UGT2B15: variants seen among roughly 807,000 people sequenced by gnomAD.
UGT2B15 encodes UDP-glucuronosyltransferase 2B15.
A neutral mutation model predicts 45.9 loss-of-function variants in UGT2B15; 36 were observed. The ratio of observed to expected loss-of-function variants is 0.78; its 90% CI spans 0.60 to 1.04. The LOEUF (loss-of-function observed/expected upper bound fraction) is 1.04, where lower values mean the gene tolerates loss of function less well. Ranked by LOEUF, UGT2B15 falls within the 50% of genes least tolerant of loss-of-function variation. The pLI, the probability that UGT2B15 is intolerant of heterozygous loss-of-function variation, is 0.00. For missense variants in UGT2B15, 617 were observed against 622.4 expected, an observed-to-expected ratio of 0.99 and a Z score of 0.09; for synonymous variants, 219 against 216.4, an observed-to-expected ratio of 1.01 and a Z score of -0.11.
intron 3 of UGT2B15, 31 bp from the exon 4 acceptor site, chr4:68,655,213 T>C: frequency 6.2e-7 from 1 of 1,604,768 alleles, no homozygotes; most frequent in Non-Finnish European, 8.5e-7. Context: ...TCTTGTTCAA[T>C]GAATAGAACT....
intron 2 of UGT2B15, among the ~76,000 whole-genome samples, chr4:68,667,530 A>G: frequency 6.6e-6 from 1 of 151,944 alleles, no homozygotes; most frequent in Non-Finnish European, 1.5e-5. Context: ...CTATCTCTGC[A>G]CATTATTGAG....
intron 2 of UGT2B15, among the ~76,000 whole-genome samples, chr4:68,664,723 C>T (rs181739856): frequency 2.1e-4 from 32 of 152,040 alleles, no homozygotes; most frequent in African/African-American, 7.2e-4. Flanking sequence ...CCTGCCACCA[C>T]GCCTGGCTAA....
intron 5 of UGT2B15, among the ~76,000 whole-genome samples, chr4:68,652,183 A>T (rs1416763294): frequency 6.6e-6 from 1 of 151,738 alleles, no homozygotes; most frequent in East Asian, 1.9e-4. Context: ...CAAATCATGT[A>T]CTGTCAGTGT....
At chr4:68,648,115 CA>C (rs1284252324) in intron 5 of UGT2B15, among the ~76,000 whole-genome samples, 1 of 152,032 alleles carries the variant, frequency 6.6e-6, no homozygotes, top group Non-Finnish European at 1.5e-5. Context: ...TGTCTTCTAC[CA>C]TATTTTCCTT....
At chr4:68,648,259 C>T (rs1322828216) in intron 5 of UGT2B15, among the ~76,000 whole-genome samples, 1 of 152,076 alleles carries the variant, frequency 6.6e-6, no homozygotes, top group African/African-American at 2.4e-5. Context: ...ACACAGGCAC[C>T]TACTTGTCCT....
chr4:68,650,324 G>C (rs192500406), intron 5 of UGT2B15, among the ~76,000 whole-genome samples: 1 of 151,540 alleles, frequency 6.6e-6, no homozygotes, highest in Non-Finnish European at 1.5e-5. Flanking sequence ...TCCATCCCCC[G>C]GTGTGTGTTG....
intron 3 of UGT2B15, among the ~76,000 whole-genome samples, chr4:68,658,442 T>G (rs1247460081): frequency 6.6e-6 from 1 of 152,118 alleles, no homozygotes; most frequent in Non-Finnish European, 1.5e-5. Context: ...CAGCATATAT[T>G]TTTGTTTGCA....
chr4:68,669,526 A>G (rs1733238082), intron 1 of UGT2B15, among the ~76,000 whole-genome samples: 1 of 152,174 alleles, frequency 6.6e-6, no homozygotes, highest in Admixed American at 6.6e-5. Context: ...TTTTTCTAGA[A>G]ATATGTGTAA....
intron 4 of UGT2B15, 147 bp downstream of exon 4, chr4:68,654,948 A>C: frequency 9.9e-7 from 1 of 1,007,218 alleles, no homozygotes; most frequent in Non-Finnish European, 1.5e-6. Context: ...TTATACTAAG[A>C]CTGGAAAATA....
intron 2 of UGT2B15, among the ~76,000 whole-genome samples, chr4:68,666,090 TGG>T (rs1233274548): frequency 2.6e-5 from 4 of 152,168 alleles, no homozygotes; most frequent in Non-Finnish European, 5.9e-5. Context: ...CCCCTGCTAC[TGG>T]CACTATCACT....
At position 68,670,129 on chromosome 4, in the gene UGT2B15, G is replaced by C; in HGVS notation, c.490C>G (p.Leu164Val). The C allele has an allele frequency of 6.2e-7, 1 of 1,614,064 alleles. No homozygotes were observed. The highest frequency in any genetic ancestry group is 8.5e-7 in the Non-Finnish European group (1 of 1,179,976). ...LNPCGELLAE[L>V]FNIPFLYSLR... ...CTGTACAGAAAGGGTATGTTAAATA[G>C]TTCAGCCAGTAGCTCACCACAGGGA... Residue 164 changes from leucine to valine, a missense_variant, in exon 1 of 6, where the codon CTA becomes GTA. Around this residue, in one of 3 missense-constraint regions of UGT2B15, gnomAD observed 351 missense variants for 342.1 expected, o/e 1.03. Coordinates refer to ENST00000338206, the MANE Select transcript of UGT2B15 (RefSeq NM_001076.4).
Position 68,649,100 on chromosome 4 carries a change from AT to A in UGT2B15, c.1314-1718del, listed in dbSNP as rs560128777. ...TTGTTGACTGAATTTTTTAAAAAAT[AT>A]TTTTTATTTTAAAGAATCAGATTGT... On this transcript the variant is annotated intron_variant, in intron 5 of 5. Transcript: ENST00000338206. Among the ~76,000 whole-genome samples the A allele has an allele frequency of 4.6e-5, 7 of 151,910 alleles. No individual in the cohort carries two copies. The South Asian group carries it at 6.2e-4, about 14-fold the overall frequency.
At chr4:68,650,404 G>C (rs1212299758) in intron 5 of UGT2B15, among the ~76,000 whole-genome samples, 1 of 151,878 alleles carries the variant, frequency 6.6e-6, no homozygotes, top group Non-Finnish European at 1.5e-5. Flanking sequence ...GTGGTGTTTG[G>C]TTTTCTGTTC....
chr4:68,653,934 C>T (rs939457674), intron 5 of UGT2B15, 103 bp downstream of exon 5: 13 of 1,452,132 alleles, frequency 9.0e-6, no homozygotes, highest in Non-Finnish European at 1.2e-5. Flanking sequence ...TAAATCACTT[C>T]AATCCCTTCA....
intron 2 of UGT2B15, among the ~76,000 whole-genome samples, chr4:68,666,752 A>ATATATATAT (rs1553925091): frequency 5.0e-4 from 64 of 127,850 alleles, no homozygotes; most frequent in African/African-American, 1.9e-3. Context: ...ATATATATAT[A>ATATATATAT]TTTTTTTTTT....
At position 68,647,393 on chromosome 4, in the gene UGT2B15, A is replaced by C. The variant is rs1732514106; in HGVS notation, c.1314-10T>G. 6.2e-7 allele frequency: 1 copy of C among 1,604,260 alleles called. No homozygotes were observed. The highest frequency in any genetic ancestry group is 8.5e-7 in the Non-Finnish European group (1 of 1,174,406). On this transcript the variant is annotated splice_polypyrimidine_tract_variant and intron_variant, in intron 5 of 5. Coordinates refer to ENST00000338206, the MANE Select transcript of UGT2B15 (RefSeq NM_001076.4). ...GACATTCTCTTTATAGCTGAAGGAT[A>C]AATATAAAGATATCAACATTAAAAG... is the stretch of plus-strand genomic sequence containing the variant.
chr4:68,656,617 T>C (rs1732813532), intron 3 of UGT2B15, among the ~76,000 whole-genome samples: 1 of 152,118 alleles, frequency 6.6e-6, no homozygotes, highest in Admixed American at 6.6e-5. Context: ...AAAAAACAAA[T>C]GTTCTTTTGT....
At chr4:68,656,098 A>G (rs1271899445) in intron 3 of UGT2B15, among the ~76,000 whole-genome samples, 2 of 152,092 alleles carry the variant, frequency 1.3e-5, no homozygotes, top group African/African-American at 2.4e-5. Flanking sequence ...ATTTTGCTGT[A>G]CAACTCCTTT....
chr4:68,668,274 G>A, intron 1 of UGT2B15, 86 bp from the exon 2 acceptor site: 11 of 1,580,164 alleles, frequency 7.0e-6, no homozygotes, highest in Non-Finnish European at 8.6e-6. Context: ...GAAAGGACTT[G>A]GAATAACATA....
Sources: allele counts gnomAD v4.1 joint callset (sites outside exome capture counted in the v4.1 genomes callset), GRCh38; gene constraint gnomAD v4.1.1; regional missense constraint gnomAD v4.1.1; transcripts MANE v1.5; gene names NCBI Gene and HGNC (gene_info 2026-07-23, HGNC 2026-07-21).